LMO7: variants seen among roughly 807,000 people sequenced by gnomAD.
LMO7 encodes LIM domain 7.
A neutral mutation model predicts 206.5 loss-of-function variants in LMO7; 120 were observed. The observed-to-expected ratio is 0.58, with a 90% confidence interval of 0.50 to 0.68. The LOEUF is 0.68. LMO7 is among the 30% of genes least tolerant of loss of function. The pLI, the probability that LMO7 is intolerant of heterozygous loss-of-function variation, is 0.00. For missense variants in LMO7, 1,959 were observed against 1,957.9 expected (o/e 1.00, Z -0.01); for synonymous variants, 706 against 681.5 (o/e 1.04, Z -0.56).
chr13:75,823,795 T>C lies in LMO7; in HGVS notation c.2871T>C (p.Ser957=). Residue 957 remains serine (S), a synonymous_variant, in exon 15 of 31, where the codon TCT becomes TCC. Transcript: ENST00000377534. The part of the protein sequence containing the change: ...DQAATSKATL[S]STSGLDLMSE... ...CTGCCACTTCTAAAGCCACATTGTC[T>C]TCCACATCTGGTCTTGATTTAATGT... 1 of 1,614,112 alleles carries C rather than the reference T, an allele frequency of 6.2e-7. No individual in the cohort carries two copies. Among genetic ancestry groups the C allele is most frequent in the East Asian group, 2.2e-5 (1 of 44,866 alleles).
chr13:75,795,664 G>A (rs1316966243), intron 5 of LMO7, among the ~76,000 whole-genome samples: 1 of 152,196 alleles, frequency 6.6e-6, no homozygotes, highest in African/African-American at 2.4e-5. Context: ...TTCTGTTCCT[G>A]CATTAGTTTG....
At chr13:75,683,914 C>G (rs2040761845) in intron 1 of LMO7, among the ~76,000 whole-genome samples, 1 of 151,924 alleles carries the variant, frequency 6.6e-6, no homozygotes, top group Non-Finnish European at 1.5e-5. Flanking sequence ...TTGGGGAGAC[C>G]AAGGTTTTAT....
chr13:75,623,652 T>G (rs1274517885), intron 2 of LMO7, among the ~76,000 whole-genome samples: 1 of 151,832 alleles, frequency 6.6e-6, no homozygotes, highest in Non-Finnish European at 1.5e-5. Flanking sequence ...CATGAGCCAC[T>G]GTGCCTGACC....
At chr13:75,754,505 A>G (rs1446576049) in intron 3 of LMO7, among the ~76,000 whole-genome samples, 2 of 152,216 alleles carry the variant, frequency 1.3e-5, no homozygotes, top group African/African-American at 4.8e-5. Flanking sequence ...TCTTTGGGAT[A>G]TATATAGGAT....
At chr13:75,848,477 C>T (rs986428014) in intron 26 of LMO7, among the ~76,000 whole-genome samples, 1 of 106,910 alleles carries the variant, frequency 9.4e-6, no homozygotes, top group East Asian at 2.7e-4. Context: ...CTAACTATCT[C>T]ACATTCTCTT....
intron 4 of LMO7, among the ~76,000 whole-genome samples, chr13:75,781,550 C>T (rs1024603796): frequency 1.3e-5 from 2 of 151,788 alleles, no homozygotes; most frequent in Admixed American, 6.6e-5. Context: ...GGGTTGGTTC[C>T]AAGTCTTTGC....
chr13:75,827,294 T>G (rs144381773), intron 15 of LMO7, among the ~76,000 whole-genome samples: 2 of 152,306 alleles, frequency 1.3e-5, no homozygotes, highest in East Asian at 1.9e-4. Flanking sequence ...AAGGGCTGTT[T>G]TAGGAATGTA....
Position 75,856,502 on chromosome 13 carries a change from C to A in LMO7, c.4771-4C>A. ...GTAGATGTTCTTTTTTTTTTGTTCCCCAGTGTGTTGCCTGTGAGTGTGACC... is the reference window on the plus strand; with the variant it reads ...GTAGATGTTCTTTTTTTTTTGTTCCACAGTGTGTTGCCTGTGAGTGTGACC... On this transcript the variant is annotated splice_polypyrimidine_tract_variant and splice_region_variant and intron_variant, in intron 29 of 30. Transcript: ENST00000377534. 1.3e-6 allele frequency: 2 copies of A among 1,585,872 alleles called. No homozygotes were observed. Among genetic ancestry groups the A allele is most frequent in the Non-Finnish European group, 1.7e-6 (2 of 1,156,382 alleles).
chr13:75,689,774 G>C (rs185956102), intron 1 of LMO7, among the ~76,000 whole-genome samples: 4 of 152,106 alleles, frequency 2.6e-5, no homozygotes, highest in African/African-American at 9.7e-5. Flanking sequence ...CATGGCTCTC[G>C]GGCCTTCAGC....
At chr13:75,844,668 C>T (rs773583349) in intron 25 of LMO7, among the ~76,000 whole-genome samples, 25 of 152,082 alleles carry the variant, frequency 1.6e-4, no homozygotes, top group African/African-American at 5.3e-4. Context: ...CTCAGCCTCC[C>T]AAAGTGCTGG....
At chr13:75,673,682 C>G (rs1249116467) in intron 1 of LMO7, among the ~76,000 whole-genome samples, 1 of 152,126 alleles carries the variant, frequency 6.6e-6, no homozygotes, top group African/African-American at 2.4e-5. Flanking sequence ...TATTTTCTCA[C>G]CTTATGTGTC....
At chr13:75,801,972 TTC>T (rs1277252169) in intron 7 of LMO7, among the ~76,000 whole-genome samples, 1 of 150,624 alleles carries the variant, frequency 6.6e-6, no homozygotes, top group African/African-American at 2.4e-5. Flanking sequence ...CTCTCTCTCT[TTC>T]TCTTTCTCCC....
intron 27 of LMO7, among the ~76,000 whole-genome samples, chr13:75,850,595 A>G (rs1166225594): frequency 6.6e-6 from 1 of 152,210 alleles, no homozygotes; most frequent in Non-Finnish European, 1.5e-5. Flanking sequence ...GTGTTGCTAC[A>G]TAATATGCCA....
chr13:75,755,382 C>T (rs2047604029), intron 3 of LMO7, among the ~76,000 whole-genome samples: 1 of 152,092 alleles, frequency 6.6e-6, no homozygotes, highest in African/African-American at 2.4e-5. Flanking sequence ...GTATTCTCTT[C>T]CCTTGTTTTC....
At chr13:75,703,302 G>GT (rs1311712084) in intron 1 of LMO7, among the ~76,000 whole-genome samples, 1 of 152,242 alleles carries the variant, frequency 6.6e-6, no homozygotes, top group African/African-American at 2.4e-5. Flanking sequence ...ATTTCAGCCA[G>GT]TGAGAAGTTG....
At chr13:75,831,843 T>C (rs2058697904) in intron 15 of LMO7, among the ~76,000 whole-genome samples, 1 of 152,178 alleles carries the variant, frequency 6.6e-6, no homozygotes, top group Non-Finnish European at 1.5e-5. Context: ...CAATTAAATT[T>C]TAACATGAGT....
At position 75,853,346 on chromosome 13, in the gene LMO7, A is replaced by G; in HGVS notation, c.4619A>G (p.His1540Arg). ...ACACAGTCCCCCACCCCGAGAAGCC[A>G]TTCCCCTTCAGCTTCACAGTCAGGC... Reference protein sequence around the residue: ...ATTQSPTPRSHSPSASQSGSQ... With the variant: ...ATTQSPTPRSRSPSASQSGSQ... Residue 1540 changes from histidine (H) to arginine (R), a missense_variant, in exon 28 of 31, where the codon CAT becomes CGT. Physicochemically the swap from His to Arg is conservative, Grantham distance 29. Coordinates refer to ENST00000377534, the MANE Select transcript of LMO7 (RefSeq NM_001306080.2). The G allele has an allele frequency of 6.2e-7, 1 of 1,612,504 alleles. No homozygotes were observed. The highest frequency in any genetic ancestry group is 2.2e-5 in the East Asian group (1 of 44,842).
chr13:75,725,528 A>G (rs1243138458), intron 2 of LMO7, among the ~76,000 whole-genome samples: 1 of 152,114 alleles, frequency 6.6e-6, no homozygotes, highest in Non-Finnish European at 1.5e-5. Flanking sequence ...ATATAGAAAT[A>G]CCTTGTTAAT....
intron 1 of LMO7, among the ~76,000 whole-genome samples, chr13:75,644,027 A>C (rs550456363): frequency 6.6e-6 from 1 of 152,332 alleles, no homozygotes; most frequent in Non-Finnish European, 1.5e-5. Flanking sequence ...AACTGGTAAT[A>C]ACTGGTCACA....
Sources: gnomAD v4.1 joint callset for allele counts (sites outside exome capture counted in the v4.1 genomes callset) on GRCh38, gnomAD v4.1.1 for gene constraint, MANE v1.5 for transcripts, NCBI Gene and HGNC (gene_info 2026-07-23, HGNC 2026-07-21) for gene names.